ADAD1: variants seen among roughly 807,000 people sequenced by gnomAD.
ADAD1 encodes adenosine deaminase domain containing 1, also known as adenosine deaminase domain-containing protein 1.
Under a neutral mutation model 66.8 loss-of-function variants are expected in ADAD1, and 46 were observed. The observed-to-expected ratio is 0.69, with a 90% CI of 0.54 to 0.88. The LOEUF is 0.88. Among genes scored for constraint, ADAD1 ranks in the 40% least tolerant of loss-of-function variants. The pLI, the probability that ADAD1 is intolerant of heterozygous loss-of-function variation, is 0.00. For synonymous variants in ADAD1, 248 were observed against 229.4 expected (o/e 1.08, Z -0.73); for missense variants, 617 against 681.8 (o/e 0.91, Z 1.06).
intron 5 of ADAD1, among the ~76,000 whole-genome samples, chr4:122,387,295 T>G (rs74740898): frequency 0.015 from 2,321 of 152,200 alleles, 61 homozygotes; most frequent in African/African-American, 0.052. Flanking sequence ...ATTCTCTTTG[T>G]AGTGATTGTG....
intron 6 of ADAD1, among the ~76,000 whole-genome samples, chr4:122,395,942 C>T (rs1025255748): frequency 1.3e-5 from 2 of 152,188 alleles, no homozygotes; most frequent in Admixed American, 6.6e-5. Flanking sequence ...CAGTCCTGTA[C>T]AACAAAGAAT....
intron 5 of ADAD1, among the ~76,000 whole-genome samples, chr4:122,391,296 T>A (rs140155062): frequency 1.3e-5 from 2 of 152,186 alleles, no homozygotes; most frequent in Admixed American, 6.5e-5. Context: ...GGATCACTCC[T>A]GTATAAGGTG....
chr4:122,416,558 G>A (rs1796742433), intron 11 of ADAD1, among the ~76,000 whole-genome samples: 1 of 151,920 alleles, frequency 6.6e-6, no homozygotes, highest in Non-Finnish European at 1.5e-5. Context: ...GAGAAATCCA[G>A]TCTTTTTTAT....
intron 11 of ADAD1, among the ~76,000 whole-genome samples, chr4:122,417,439 A>G (rs1051734399): frequency 1.3e-5 from 2 of 152,168 alleles, no homozygotes; most frequent in Admixed American, 6.5e-5. Context: ...CCTTAGCAAT[A>G]TAGACAGTAT....
intron 11 of ADAD1, among the ~76,000 whole-genome samples, chr4:122,420,682 G>C (rs1046045155): frequency 1.3e-5 from 2 of 152,126 alleles, no homozygotes; most frequent in Non-Finnish European, 2.9e-5. Context: ...TACAATAAAG[G>C]GGAAAAGTTA....
rs1447783019 is a variant in ADAD1 at position 122,408,132 on chromosome 4, T to C, written c.848+101T>C. 6 of 1,269,978 alleles carry C rather than the reference T, an allele frequency of 4.7e-6. No individual in the cohort carries two copies. In the Admixed American group the frequency reaches 7.2e-5, roughly 15 times the overall value. 78.7% of individuals were successfully genotyped at this position (1,269,978 alleles called of 1,614,324 possible). On this transcript the variant is annotated intron_variant, in intron 8 of 12. Coordinates refer to ENST00000296513, the MANE Select transcript of ADAD1 (RefSeq NM_139243.4). ...TTTACAAATGGAATTTTATTGATCA[T>C]AGAGCCAAGGATGTCACATTTTCTT... is the stretch of plus-strand genomic sequence containing the variant.
intron 7 of ADAD1, among the ~76,000 whole-genome samples, chr4:122,398,176 T>C (rs946531161): frequency 4.7e-5 from 7 of 150,140 alleles, no homozygotes; most frequent in Non-Finnish European, 7.4e-5. Context: ...CCAGAGTCCA[T>C]TATATCATTC....
intron 4 of ADAD1, among the ~76,000 whole-genome samples, chr4:122,382,304 T>A (rs1794935787): frequency 6.6e-6 from 1 of 152,226 alleles, no homozygotes; most frequent in Non-Finnish European, 1.5e-5. Context: ...ATCCAGTGTG[T>A]TTGGTAGTGA....
rs1457293860 is a variant in ADAD1, at chr4:122,383,861, G to A, written c.424G>A (p.Gly142Arg). ...AVVDGIQYKT[G>R]LGQNKKESRS... ...GGTGGATGGTATTCAGTACAAGACT[G>A]GACTGGGACAAAATAAAAAGGAGTC... Residue 142 changes from glycine (G) to arginine (R), a missense_variant, in exon 5 of 13, where the codon GGA becomes AGA. Physicochemically the swap from Gly to Arg is moderately radical, Grantham distance 125 (BLOSUM62 -2). Coordinates refer to ENST00000296513, the MANE Select transcript of ADAD1 (RefSeq NM_139243.4). The A allele has an allele frequency of 6.2e-7, 1 of 1,613,762 alleles. No individual in the cohort carries two copies. The highest frequency in any genetic ancestry group is 8.5e-7 in the Non-Finnish European group (1 of 1,179,928).
chr4:122,429,043 A>G (rs146006237), intron 12 of ADAD1, among the ~76,000 whole-genome samples: 326 of 152,076 alleles, frequency 2.1e-3, no homozygotes, highest in Middle Eastern at 6.8e-3. Flanking sequence ...GTGATTACCG[A>G]TAATTTTTAT....
chr4:122,381,514 T>G (rs1794898645), intron 4 of ADAD1, among the ~76,000 whole-genome samples: 1 of 152,198 alleles, frequency 6.6e-6, no homozygotes, highest in African/African-American at 2.4e-5. Flanking sequence ...TATGATTATT[T>G]TATGAGAAGG....
At chr4:122,421,519 G>T in intron 12 of ADAD1, 129 bp downstream of exon 12, 1 of 898,442 alleles carries the variant, frequency 1.1e-6, no homozygotes, top group Non-Finnish European at 1.5e-6. Context: ...ACCAGGTAAT[G>T]GTAAAATTGG....
intron 12 of ADAD1, among the ~76,000 whole-genome samples, chr4:122,422,395 G>A (rs955779519): frequency 6.6e-6 from 1 of 152,092 alleles, no homozygotes; most frequent in Non-Finnish European, 1.5e-5. Flanking sequence ...AGAGTTCTGG[G>A]ATTACAGGCT....
Position 122,407,959 on chromosome 4 carries a change from A to G in ADAD1, c.776A>G (p.Gln259Arg). Residue 259 changes from glutamine (Q) to arginine (R), a missense_variant, in exon 8 of 13, where the codon CAG becomes CGG. Coordinates refer to ENST00000296513, the MANE Select transcript of ADAD1 (RefSeq NM_139243.4). ...AIGTGEYNYS[Q>R]DIKPDGRVLH... is the part of the protein sequence containing the mutation. Reference sequence around the variant, plus strand: ...GGCACAGGTGAATACAATTACAGCCAGGACATTAAGCCAGATGGAAGAGTA... The same window carrying G: ...GGCACAGGTGAATACAATTACAGCCGGGACATTAAGCCAGATGGAAGAGTA... The G allele has an allele frequency of 1.2e-6, 2 of 1,613,906 alleles. No homozygotes were observed. Among genetic ancestry groups the G allele is most frequent in the East Asian group, 4.5e-5 (2 of 44,836 alleles).
chr4:122,403,163 C>G lies in ADAD1; in HGVS notation c.725-4745C>G, dbSNP rs544274624. On this transcript the variant is annotated intron_variant, in intron 7 of 12. Transcript: ENST00000296513. ...GAACTCAAGGCCTGCTCTTCACATT[C>G]TTTTTTTTCCATGGGGTGAGCCCTT... Among the ~76,000 whole-genome samples the G allele has an allele frequency of 1.3e-4, 20 of 152,162 alleles. No homozygotes were observed. The South Asian group carries it at 3.9e-3, about 30-fold the overall frequency.
intron 11 of ADAD1, among the ~76,000 whole-genome samples, chr4:122,420,166 A>C (rs1191512937): frequency 6.6e-6 from 1 of 152,238 alleles, no homozygotes; most frequent in Admixed American, 6.5e-5. Context: ...GTGGAAAATT[A>C]ATATGTAGAA....
At chr4:122,418,306 C>CTTTTTTTT (rs10527795) in intron 11 of ADAD1, among the ~76,000 whole-genome samples, 2 of 94,640 alleles carry the variant, frequency 2.1e-5, no homozygotes, top group Non-Finnish European at 2.2e-5. Context: ...ACGTTATTTT[C>CTTTTTTTT]TTTTTTTTTT....
chr4:122,423,519 G>A (rs1167517267), intron 12 of ADAD1, among the ~76,000 whole-genome samples: 1 of 152,184 alleles, frequency 6.6e-6, no homozygotes, highest in Non-Finnish European at 1.5e-5. Flanking sequence ...AAGTTGATCA[G>A]AAGATGGTAG....
chr4:122,381,111 G>T lies in ADAD1; in HGVS notation c.292G>T (p.Val98Leu), dbSNP rs1316196678. 2 of 1,604,878 alleles carry T rather than the reference G, an allele frequency of 1.2e-6. No individual in the cohort carries two copies. The highest frequency in any genetic ancestry group is 1.1e-5 in the South Asian group (1 of 88,370). ...ATACAAACGTGGAGAGATAAATCCTGTGTCAGCCTTGCACCAGTTTGCACA... is the reference window on the plus strand; with the variant it reads ...ATACAAACGTGGAGAGATAAATCCTTTGTCAGCCTTGCACCAGTTTGCACA... ...MKYKRGEINP[V>L]SALHQFAQMQ... The change falls in exon 4 of 13, where the codon GTG (valine) becomes TTG (leucine). Residue 98 changes from valine to leucine, a missense_variant. Val to Leu is a conservative substitution (Grantham distance 32). Transcript: ENST00000296513.
Sources: allele counts gnomAD v4.1 joint callset (sites outside exome capture counted in the v4.1 genomes callset), GRCh38; gene constraint gnomAD v4.1.1; transcripts MANE v1.5; gene names NCBI Gene and HGNC (gene_info 2026-07-23, HGNC 2026-07-21).